Variants in OSBPL1A observed in about 807,000 individuals in gnomAD.
OSBPL1A encodes the protein oxysterol-binding protein-related protein 1.
A neutral mutation model predicts 137.1 loss-of-function variants in OSBPL1A; 80 were observed. The ratio of observed to expected loss-of-function variants is 0.58; its 90% CI spans 0.49 to 0.70. OSBPL1A has a LOEUF of 0.70. Ranked by LOEUF, OSBPL1A falls within the 30% of genes least tolerant of loss-of-function variation. The pLI is 0.00. For missense variants in OSBPL1A, 970 were observed against 1,129.4 expected (o/e 0.86, Z 2.02); for synonymous variants, 365 against 389.7 (o/e 0.94, Z 0.75).
At chr18:24,366,765 G>T in intron 4 of OSBPL1A, 127 bp downstream of exon 4, 1 of 820,222 alleles carries the variant, frequency 1.2e-6, no homozygotes, top group Non-Finnish European at 1.8e-6. Context: ...GACCCAAAGT[G>T]CTGGTGTATA....
Position 24,332,933 on chromosome 18 carries a change from T to C in OSBPL1A, c.625+9A>G. The C allele has an allele frequency of 1.9e-6, 3 of 1,613,230 alleles. No homozygotes were observed. Among genetic ancestry groups the C allele is most frequent in the Non-Finnish European group, 2.5e-6 (3 of 1,179,674 alleles). On this transcript the variant is annotated intron_variant, in intron 7 of 27. Transcript: ENST00000319481. ...AATGGCCAACGATGGTTTTCACCAA[T>C]ATGCTTACCATTTTTGTTCTTCAGA...
chr18:24,355,499 T>A (rs1052321027), intron 4 of OSBPL1A, among the ~76,000 whole-genome samples: 2 of 151,516 alleles, frequency 1.3e-5, no homozygotes, highest in African/African-American at 4.9e-5. Context: ...AGACTCCATC[T>A]CAAAACAAAA....
At chr18:24,221,896 T>C (rs755725510) in intron 17 of OSBPL1A, among the ~76,000 whole-genome samples, 2 of 152,228 alleles carry the variant, frequency 1.3e-5, no homozygotes, top group Non-Finnish European at 2.9e-5. Flanking sequence ...AGTTTCTGTC[T>C]GTTAATGGTC....
chr18:24,389,810 T>G (rs1221493018), intron 1 of OSBPL1A, among the ~76,000 whole-genome samples: 1 of 151,914 alleles, frequency 6.6e-6, no homozygotes, highest in Non-Finnish European at 1.5e-5. Flanking sequence ...GGTATGGTGG[T>G]GCATGCCTGT....
intron 15 of OSBPL1A, among the ~76,000 whole-genome samples, chr18:24,267,363 A>G (rs1567987904): frequency 6.6e-6 from 1 of 152,118 alleles, no homozygotes. Flanking sequence ...TAAATTTTCA[A>G]GGAACAGACC....
chr18:24,214,189 T>C (rs1308972540), intron 17 of OSBPL1A, among the ~76,000 whole-genome samples: 1 of 152,172 alleles, frequency 6.6e-6, no homozygotes, highest in Non-Finnish European at 1.5e-5. Context: ...AACAGACGGA[T>C]GTAAAGTCAT....
intron 21 of OSBPL1A, 82 bp downstream of exon 21, chr18:24,177,927 TGAAC>T (rs2086491684): frequency 7.6e-7 from 1 of 1,315,652 alleles, no homozygotes; most frequent in Non-Finnish European, 1.0e-6. Flanking sequence ...CTCCAGCTTT[TGAAC>T]AGTAAGGTCA....
In OSBPL1A at chr18:24,293,125, A is replaced by AAAAAAAAAAAAAAAAAG. The variant is rs200624581; in HGVS notation, c.1174+10511_1174+10512insCTTTTTTTTTTTTTTTT. Among the ~76,000 whole-genome samples, 78 of 82,070 alleles carry AAAAAAAAAAAAAAAAAG rather than the reference A, an allele frequency of 9.5e-4. 1 individual carries two copies. The highest frequency in any genetic ancestry group is 1.6e-3 in the Non-Finnish European group (56 of 35,022). 53.8% of individuals were successfully genotyped at this position (82,070 alleles called of 152,430 possible). On this transcript the variant is annotated intron_variant, in intron 14 of 27. Coordinates refer to ENST00000319481, the MANE Select transcript of OSBPL1A (RefSeq NM_080597.4). ...GTCTCAAAAAAAAAAAAAAAAAAAA[A>AAAAAAAAAAAAAAAAAG]AAAGAAAAGAAAAGAAAAAATTAAA...
chr18:24,332,960 T>G lies in OSBPL1A; in HGVS notation c.607A>C (p.Asn203His). Residue 203 changes from asparagine (N) to histidine (H), a missense_variant, in exon 7 of 28, where the codon AAT (asparagine) becomes CAT (histidine). Physicochemically the swap from Asn to His is moderately conservative, Grantham distance 68. Coordinates refer to ENST00000319481, the MANE Select transcript of OSBPL1A (RefSeq NM_080597.4). ...TGCTTACCATTTTTGTTCTTCAGATTAGGGTCTGCTCCACTTCTTAGAAGC... is the reference window on the plus strand; with the variant it reads ...TGCTTACCATTTTTGTTCTTCAGATGAGGGTCTGCTCCACTTCTTAGAAGC... ...LKLLRSGADP[N>H]LKNKNDQKPL... The G allele has an allele frequency of 6.2e-7, 1 of 1,614,108 alleles. No homozygotes were observed. Among genetic ancestry groups the G allele is most frequent in the Non-Finnish European group, 8.5e-7 (1 of 1,180,004 alleles).
chr18:24,283,277 A>ATAT (rs1248323616), intron 14 of OSBPL1A, among the ~76,000 whole-genome samples: 1 of 98,628 alleles, frequency 1.0e-5, no homozygotes, highest in African/African-American at 3.7e-5. Flanking sequence ...AAAAAAAAAA[A>ATAT]AAAAATATAT....
Position 24,163,148 on chromosome 18 carries a change from G to T in OSBPL1A, c.*31C>A. The T allele has an allele frequency of 6.7e-7, 1 of 1,497,240 alleles. No homozygotes were observed. Among genetic ancestry groups the T allele is most frequent in the South Asian group, 1.2e-5 (1 of 85,654 alleles). The allele number at this position is 1,497,240 out of a possible 1,614,324, so 92.7% of individuals were successfully genotyped here. A position where few individuals can be genotyped will look rare whatever the true frequency, so the allele number is the denominator to read the frequency against. On this transcript the variant is annotated 3_prime_UTR_variant, in exon 28 of 28. Transcript: ENST00000319481. ...AACATAGGTTTAAGACTTATTTGTA[G>T]ATTAGCCAAACACCCTGACTTGTAT...
rs147895357 is a variant in OSBPL1A, at chr18:24,269,851, A to AACAC, written c.1281+10987_1281+10990dup. On this transcript the variant is annotated intron_variant, in intron 15 of 27. Coordinates refer to ENST00000319481, the MANE Select transcript of OSBPL1A (RefSeq NM_080597.4). ...GAGTCACATCAAGCATGACAAGCCT[A>AACAC]ACACACACACACACACACACACACA... 6.2e-3 allele frequency among the ~76,000 whole-genome samples: 866 copies of AACAC among 140,058 alleles called. 4 individuals are homozygous for AACAC. The highest frequency in any genetic ancestry group is 0.011 in the African/African-American group (418 of 37,172). 91.9% of individuals were successfully genotyped at this position (140,058 alleles called of 152,430 possible).
intron 7 of OSBPL1A, among the ~76,000 whole-genome samples, chr18:24,328,926 C>T (rs2091027734): frequency 6.6e-6 from 1 of 152,120 alleles, no homozygotes; most frequent in Non-Finnish European, 1.5e-5. Context: ...TTGATTTCAC[C>T]TCTTTTTTCA....
intron 7 of OSBPL1A, among the ~76,000 whole-genome samples, chr18:24,320,068 AGAGT>A (rs2090819398): frequency 2.0e-5 from 3 of 152,040 alleles, no homozygotes; most frequent in Admixed American, 1.3e-4. Flanking sequence ...ACTGGGTGAC[AGAGT>A]GAGACTCTGT....
chr18:24,205,001 TCTA>T (rs757108511), intron 17 of OSBPL1A, among the ~76,000 whole-genome samples: 2 of 152,226 alleles, frequency 1.3e-5, no homozygotes, highest in Non-Finnish European at 2.9e-5. Context: ...TTTAAAGAGT[TCTA>T]CTAAGATGAA....
intron 16 of OSBPL1A, among the ~76,000 whole-genome samples, chr18:24,233,579 C>T (rs1380145210): frequency 6.6e-6 from 1 of 152,154 alleles, no homozygotes; most frequent in East Asian, 1.9e-4. Context: ...TTCTGTGCTA[C>T]GTACTTCAGG....
intron 15 of OSBPL1A, among the ~76,000 whole-genome samples, chr18:24,276,884 G>A (rs1400413191): frequency 6.6e-6 from 1 of 152,138 alleles, no homozygotes; most frequent in African/African-American, 2.4e-5. Flanking sequence ...CACAGAAATA[G>A]AAGGCATGAA....
At chr18:24,259,731 G>A (rs555190393) in intron 15 of OSBPL1A, among the ~76,000 whole-genome samples, 6 of 152,146 alleles carry the variant, frequency 3.9e-5, no homozygotes, top group South Asian at 2.1e-4. Flanking sequence ...TACATGTAAC[G>A]TTTTTATAAA....
intron 17 of OSBPL1A, among the ~76,000 whole-genome samples, chr18:24,212,280 G>C (rs1378608394): frequency 6.6e-6 from 1 of 151,196 alleles, no homozygotes; most frequent in African/African-American, 2.4e-5. Flanking sequence ...GGATGGTCTC[G>C]ATCTCCTGAC....
Sources: gnomAD v4.1 joint callset for allele counts (sites outside exome capture counted in the v4.1 genomes callset) on GRCh38, gnomAD v4.1.1 for gene constraint, MANE v1.5 for transcripts, NCBI Gene and HGNC (gene_info 2026-07-23, HGNC 2026-07-21) for gene names.